KAZN: variants seen among roughly 807,000 people sequenced by gnomAD.
KAZN encodes the protein kazrin, periplakin interacting protein.
In KAZN, 40 loss-of-function variants were observed where a neutral mutation model predicts 87.4. The observed-to-expected ratio is 0.46, with a 90% CI of 0.36 to 0.60. The LOEUF (loss-of-function observed/expected upper bound fraction) is 0.60. KAZN is among the 20% of genes least tolerant of loss of function. The pLI is 0.00. For missense variants in KAZN, 898 were observed against 1,073.9 expected (o/e 0.84, Z 2.29); for synonymous variants, 466 against 458.3 (o/e 1.02, Z -0.22).
At chr1:14,397,515 G>A (rs1663000963) in intron 2 of KAZN, among the ~76,000 whole-genome samples, 1 of 152,090 alleles carries the variant, frequency 6.6e-6, no homozygotes, top group South Asian at 2.1e-4. Flanking sequence ...TACGTTTTAA[G>A]TGACACAAAC....
chr1:14,340,888 C>T lies in KAZN; in HGVS notation c.249+160296C>T, dbSNP rs865789999. On this transcript the variant is annotated intron_variant, in intron 2 of 16. Transcript: ENST00000636203. ...ATCTCCGTAAGGGTCATGATTTTCC[C>T]TTTTTTTTTTTTTTTTTGAGATGGA... Among the ~76,000 whole-genome samples the T allele has an allele frequency of 4.7e-3, 487 of 103,132 alleles. 12 individuals carry two copies. The highest frequency in any genetic ancestry group is 0.019 in the African/African-American group (464 of 24,730). 67.7% of individuals were successfully genotyped at this position (103,132 alleles called of 152,430 possible).
chr1:14,292,583 T>C (rs1653795985), intron 2 of KAZN, among the ~76,000 whole-genome samples: 2 of 152,178 alleles, frequency 1.3e-5, no homozygotes, highest in Admixed American at 6.5e-5. Flanking sequence ...ACTGCAGGCA[T>C]CTGACTTGCC....
chr1:14,905,913 A>C (rs1382167145), intron 1 of KAZN, among the ~76,000 whole-genome samples: 1 of 150,354 alleles, frequency 6.7e-6, no homozygotes, highest in Non-Finnish European at 1.5e-5. Context: ...TCATGCCTGT[A>C]ATCACAGCAC....
chr1:14,199,767 G>T (rs1470334017), intron 2 of KAZN, among the ~76,000 whole-genome samples: 1 of 152,284 alleles, frequency 6.6e-6, no homozygotes, highest in East Asian at 1.9e-4. Flanking sequence ...AGAAATTAAG[G>T]CTTCTAATGA....
chr1:14,692,874 A>C (rs1265907475), intron 1 of KAZN, among the ~76,000 whole-genome samples: 1 of 152,228 alleles, frequency 6.6e-6, no homozygotes. Context: ...TGGAGGTTGC[A>C]GTAAGCTGAG....
chr1:14,560,448 A>G (rs1291997146), intron 2 of KAZN, among the ~76,000 whole-genome samples: 5 of 152,152 alleles, frequency 3.3e-5, no homozygotes, highest in South Asian at 2.1e-4. Context: ...GCGTGGTGGT[A>G]TGTGCCTGTA....
Position 14,666,046 on chromosome 1 carries a change from A to T in KAZN, c.226+66823A>T, listed in dbSNP as rs1215817948. Among the ~76,000 whole-genome samples, 10 of 152,286 alleles carry T rather than the reference A, an allele frequency of 6.6e-5. No homozygotes were observed. In the East Asian group the frequency reaches 1.9e-3, roughly 29 times the overall value. On this transcript the variant is annotated intron_variant, in intron 1 of 14. Coordinates refer to ENST00000376030, the MANE Select transcript of KAZN (RefSeq NM_201628.3). ...CATCTCATCCTTGGAATTTAAAAAA[A>T]AAAAGCTTTACAGAGAAGCATATAT...
intron 2 of KAZN, among the ~76,000 whole-genome samples, chr1:14,246,983 G>T (rs1278096170): frequency 6.6e-6 from 1 of 152,106 alleles, no homozygotes. Context: ...GTTTTTACCA[G>T]TCTATAGTTT....
chr1:14,399,718 T>C (rs887846032), intron 2 of KAZN, among the ~76,000 whole-genome samples: 4 of 152,154 alleles, frequency 2.6e-5, no homozygotes, highest in Non-Finnish European at 5.9e-5. Flanking sequence ...TCCCACATGC[T>C]GCTCTGCTCT....
In KAZN at chr1:13,996,270, G is replaced by A. The variant is rs532787268; in HGVS notation, c.91+102514G>A. Among the ~76,000 whole-genome samples the A allele has an allele frequency of 1.0e-3, 156 of 152,274 alleles. 1 individual carries two copies. The highest frequency in any genetic ancestry group is 2.4e-3 in the African/African-American group (99 of 41,552). On this transcript the variant is annotated intron_variant, in intron 1 of 16. Transcript: ENST00000636203. ...GGCCTAGAGTCCCAACCCCCGAGCC[G>A]CGCAGATTCTCAACAGCCTCTCAGC...
At chr1:14,938,557 A>G (rs1660716043) in intron 1 of KAZN, among the ~76,000 whole-genome samples, 1 of 151,990 alleles carries the variant, frequency 6.6e-6, no homozygotes, top group Admixed American at 6.6e-5. Flanking sequence ...AAAAAAAAAA[A>G]AAGGGTGCTG....
intron 1 of KAZN, among the ~76,000 whole-genome samples, chr1:14,111,789 C>T (rs201230477): frequency 7.1e-6 from 1 of 140,492 alleles, no homozygotes; most frequent in South Asian, 2.3e-4. Context: ...GCCCAGGCTG[C>T]AGTGCAGTGG....
At chr1:13,897,343 A>G (rs1300011780) in intron 1 of KAZN, among the ~76,000 whole-genome samples, 1 of 152,172 alleles carries the variant, frequency 6.6e-6, no homozygotes, top group Admixed American at 6.5e-5. Flanking sequence ...GACAGAATTT[A>G]TGTGGCACAA....
rs1314683783 is a variant in KAZN, at chr1:14,820,603, C to T, written c.227-140081C>T. The stretch of plus-strand genomic sequence containing the variant: ...TCTCGCCCACAGTGAGTTGGCAATG[C>T]CTGGCCACGTGTGCTCTGTGGTCTT... On this transcript the variant is annotated intron_variant, in intron 1 of 14. Coordinates refer to ENST00000376030, the MANE Select transcript of KAZN (RefSeq NM_201628.3). The surrounding 1 kb of genome is among the most constrained non-coding windows in gnomAD (Gnocchi z 4.1). Among the ~76,000 whole-genome samples the T allele has an allele frequency of 6.6e-6, 1 of 152,214 alleles. No individual in the cohort carries two copies. The highest frequency in any genetic ancestry group is 1.5e-5 in the Non-Finnish European group (1 of 68,042).
rs1007322706 is a variant in KAZN at position 13,913,861 on chromosome 1, G to A, written c.91+20105G>A. On this transcript the variant is annotated intron_variant, in intron 1 of 16. Coordinates refer to the KAZN transcript ENST00000636203. Reference sequence around the variant, plus strand: ...TGTTTATTCAACAAGGATCACCAGAGTTCCTGCTTCAGGTGGTTTGAGAAT... The same window carrying A: ...TGTTTATTCAACAAGGATCACCAGAATTCCTGCTTCAGGTGGTTTGAGAAT... 3.3e-5 allele frequency among the ~76,000 whole-genome samples: 5 copies of A among 152,324 alleles called. No individual in the cohort carries two copies. The South Asian group carries it at 1.0e-3, about 32-fold the overall frequency.
chr1:14,365,363 C>CGGGG (rs754623672), intron 2 of KAZN, among the ~76,000 whole-genome samples: 6 of 90,280 alleles, frequency 6.6e-5, no homozygotes, highest in East Asian at 2.9e-4. Flanking sequence ...CCCCTCCCCC[C>CGGGG]GGGGTGGGGG....
intron 2 of KAZN, among the ~76,000 whole-genome samples, chr1:14,475,622 G>A (rs1039189325): frequency 6.6e-6 from 1 of 152,152 alleles, no homozygotes; most frequent in Non-Finnish European, 1.5e-5. Context: ...ATGGAGCGTG[G>A]GAAGTGTTAT....
intron 1 of KAZN, among the ~76,000 whole-genome samples, chr1:14,897,428 C>CTTTA (rs921938449): frequency 2.0e-5 from 3 of 152,090 alleles, no homozygotes; most frequent in African/African-American, 7.2e-5. Context: ...CCCAGAACCC[C>CTTTA]TTTACTCTTG....
chr1:14,920,264 A>T (rs1658345765), intron 1 of KAZN, among the ~76,000 whole-genome samples: 1 of 141,166 alleles, frequency 7.1e-6, no homozygotes, highest in Admixed American at 7.3e-5. Context: ...TTCTGTCTGC[A>T]GCCTCTTTTC....
Sources: allele counts gnomAD v4.1 joint callset (sites outside exome capture counted in the v4.1 genomes callset), GRCh38; gene constraint gnomAD v4.1.1; non-coding constraint Gnocchi (gnomAD v3.1); transcripts MANE v1.5; gene names NCBI Gene and HGNC (gene_info 2026-07-23, HGNC 2026-07-21).